Variants in GLYATL2 observed in about 807,000 individuals in gnomAD.
The protein encoded by GLYATL2 is glycine-N-acyltransferase like 2.
GLYATL2 carries 25 observed loss-of-function variants against 21.4 expected under a neutral mutation model. The ratio of observed to expected loss-of-function variants is 1.17; its 90% CI spans 0.85 to 1.63. The LOEUF (loss-of-function observed/expected upper bound fraction) is 1.63, where lower values mean the gene tolerates loss of function less well. GLYATL2 is among the 40% of genes most tolerant of loss of function. The probability of loss-of-function intolerance (pLI) is 0.00; values close to 1 mark genes in which losing one functional copy is unlikely to be tolerated. For synonymous variants in GLYATL2, 114 were observed against 118.2 expected (o/e 0.96, Z 0.23); for missense variants, 361 against 343.3 (o/e 1.05, Z -0.41).
rs549879860 is a variant in GLYATL2 at position 58,883,309 on chromosome 11, A to G, written n.60+20847T>C. ...TTTTTTGAAAAGATCAACAAAATTG[A>G]TAGACCAATAGCAAGACTAATAAAG... On this transcript the variant is annotated intron_variant and non_coding_transcript_variant, in intron 1 of 4. Coordinates refer to the GLYATL2 transcript ENST00000533636. Among the ~76,000 whole-genome samples the G allele has an allele frequency of 9.8e-5, 15 of 152,320 alleles. No individual in the cohort carries two copies. The East Asian group carries it at 2.1e-3, about 22-fold the overall frequency.
intron 2 of GLYATL2, among the ~76,000 whole-genome samples, chr11:58,838,970 C>T (rs1039906463): frequency 2.6e-5 from 4 of 151,882 alleles, no homozygotes; most frequent in Non-Finnish European, 1.5e-5. Context: ...AGAATGAGAG[C>T]AAGTTATTAC....
chr11:58,876,246 T>A (rs1027347441), intron 1 of GLYATL2, among the ~76,000 whole-genome samples: 3 of 152,194 alleles, frequency 2.0e-5, no homozygotes, highest in Non-Finnish European at 2.9e-5. Context: ...CTTCCTCCTT[T>A]AGCTTGGAGT....
chr11:58,836,155 A>T (rs1288961360), intron 5 of GLYATL2, among the ~76,000 whole-genome samples: 2 of 152,190 alleles, frequency 1.3e-5, no homozygotes, highest in African/African-American at 4.8e-5. Context: ...ATTCTCTGCA[A>T]TTCTAGATGT....
chr11:58,842,761 A>G (rs1252547222), intron 1 of GLYATL2, among the ~76,000 whole-genome samples: 1 of 152,126 alleles, frequency 6.6e-6, no homozygotes, highest in Admixed American at 6.5e-5. Context: ...AGGCCACCAT[A>G]TTTGTGATTG....
At chr11:58,907,675 T>G, upstream of GLYATL2, 1 of 196,756 alleles carries the variant, frequency 5.1e-6, no homozygotes, top group Middle Eastern at 2.4e-3. Context: ...TTTAAATACT[T>G]CCTGATTTTT....
intron 1 of GLYATL2, among the ~76,000 whole-genome samples, chr11:58,863,200 T>C (rs1209276970): frequency 1.3e-5 from 2 of 152,318 alleles, no homozygotes; most frequent in Non-Finnish European, 2.9e-5. Context: ...CAATAGGGGC[T>C]GGACTGAAGC....
chr11:58,892,109 C>G (rs1457586639), intron 1 of GLYATL2: 1 of 152,352 alleles, frequency 6.6e-6, no homozygotes, highest in Non-Finnish European at 1.5e-5. Context: ...CCATCGTAGG[C>G]CACTGTTAAA....
intron 1 of GLYATL2, among the ~76,000 whole-genome samples, chr11:58,873,312 C>G (rs554369353): frequency 6.6e-6 from 1 of 151,948 alleles, no homozygotes; most frequent in Non-Finnish European, 1.5e-5. Context: ...GCCAGAACTT[C>G]CAACACTATG....
chr11:58,889,897 T>A (rs1232206783), intron 1 of GLYATL2, among the ~76,000 whole-genome samples: 1 of 152,198 alleles, frequency 6.6e-6, no homozygotes, highest in African/African-American at 2.4e-5. Context: ...TGTTTTTGGC[T>A]TATGTAGAAT....
At chr11:58,868,330 A>C (rs1431275948) in intron 1 of GLYATL2, among the ~76,000 whole-genome samples, 1 of 148,832 alleles carries the variant, frequency 6.7e-6, no homozygotes, top group Non-Finnish European at 1.5e-5. Context: ...AGCATCAAAG[A>C]ATCGAAACTC....
At chr11:58,852,677 C>A (rs1853762610) in intron 1 of GLYATL2, among the ~76,000 whole-genome samples, 1 of 152,192 alleles carries the variant, frequency 6.6e-6, no homozygotes, top group African/African-American at 2.4e-5. Context: ...GATGTACAGA[C>A]AAATATTCTT....
upstream of GLYATL2, among the ~76,000 whole-genome samples, chr11:58,849,576 C>G (rs542812529): frequency 5.5e-4 from 84 of 152,258 alleles, no homozygotes; most frequent in Middle Eastern, 3.4e-3. Context: ...AAGAAAAGCC[C>G]AGGATCTGAC....
Position 58,837,328 on chromosome 11 carries a change from C to T in GLYATL2, c.256G>A (p.Glu86Lys). ...HIFTKAPDKL[E>K]EVLSYSNVIS... ...ACATTGGAGTATGACAGGACTTCCT[C>T]TAATTTGTCAGGAGCTTTGGTGAAG... Residue 86 changes from glutamate to lysine, a missense_variant, in exon 4 of 6, where the codon GAG becomes AAG. Transcript: ENST00000287275. 2.5e-6 allele frequency: 4 copies of T among 1,613,960 alleles called. No individual in the cohort carries two copies. In the Middle Eastern group the frequency reaches 4.9e-4, roughly 200 times the overall value.
chr11:58,894,355 C>T (rs1342027501), intron 1 of GLYATL2, among the ~76,000 whole-genome samples: 2 of 151,520 alleles, frequency 1.3e-5, no homozygotes, highest in Non-Finnish European at 1.5e-5. Flanking sequence ...ACTTATATTA[C>T]AATTCTGAAT....
upstream of GLYATL2, among the ~76,000 whole-genome samples, chr11:58,847,852 A>G (rs553127515): frequency 2.6e-5 from 4 of 152,290 alleles, no homozygotes; most frequent in South Asian, 6.2e-4. Context: ...GGCAGTAGCC[A>G]AGGAGTGATT....
intron 1 of GLYATL2, among the ~76,000 whole-genome samples, chr11:58,882,016 T>C (rs1384136208): frequency 2.6e-5 from 4 of 152,234 alleles, no homozygotes; most frequent in African/African-American, 9.6e-5. Context: ...GTCTTTGCTA[T>C]TGTGAATAGT....
In GLYATL2 at chr11:58,899,816, AAT is replaced by A. The variant is rs34652932; in HGVS notation, n.60+4338_60+4339del. 2.6e-5 allele frequency among the ~76,000 whole-genome samples: 4 copies of A among 151,712 alleles called. No homozygotes were observed. The South Asian group carries it at 6.3e-4, about 24-fold the overall frequency. ...TTATTTAACATGTTAATTACAACAG[AAT>A]ATATATATATACACACACATACATA... On this transcript the variant is annotated intron_variant and non_coding_transcript_variant, in intron 1 of 4. Coordinates refer to the GLYATL2 transcript ENST00000533636.
intron 1 of GLYATL2, chr11:58,885,379 G>T (rs1854417900): frequency 5.7e-6 from 2 of 350,458 alleles, no homozygotes; most frequent in South Asian, 5.1e-5. Flanking sequence ...TTCACATCCA[G>T]ATCCCCATCT....
At position 58,881,588 on chromosome 11, in the gene GLYATL2, A is replaced by AT. The variant is rs971228873; in HGVS notation, n.60+22567dup. On this transcript the variant is annotated intron_variant and non_coding_transcript_variant, in intron 1 of 4. Coordinates refer to the GLYATL2 transcript ENST00000533636. ...AGTCAAAACTGTTTTTAGAAGGCTG[A>AT]TTTTTTTTTATTATTATACTTTAAG... Among the ~76,000 whole-genome samples, 52 of 151,690 alleles carry AT rather than the reference A, an allele frequency of 3.4e-4. No homozygotes were observed. The East Asian group carries it at 3.9e-3, about 11-fold the overall frequency.
Sources: allele counts gnomAD v4.1 joint callset (sites outside exome capture counted in the v4.1 genomes callset), GRCh38; gene constraint gnomAD v4.1.1; transcripts MANE v1.5; gene names NCBI Gene and HGNC (gene_info 2026-07-23, HGNC 2026-07-21).